Variants in STK32B observed in about 807,000 individuals in gnomAD.
The protein encoded by STK32B is serine/threonine-protein kinase 32B.
A neutral mutation model predicts 52.6 loss-of-function variants in STK32B; 43 were observed. The observed-to-expected ratio is 0.82, with a 90% CI of 0.64 to 1.05. The LOEUF (loss-of-function observed/expected upper bound fraction) is 1.05, where lower values mean the gene tolerates loss of function less well. Ranked by LOEUF, STK32B falls within the 50% of genes least tolerant of loss-of-function variation. The pLI is 0.00. For synonymous variants in STK32B, 238 were observed against 204.3 expected, an observed-to-expected ratio of 1.17 and a Z score of -1.41; for missense variants, 621 against 534.6, an observed-to-expected ratio of 1.16 and a Z score of -1.59.
chr4:5,080,967 A>G (rs552720032), intron 1 of STK32B, among the ~76,000 whole-genome samples: 2 of 151,954 alleles, frequency 1.3e-5, no homozygotes, highest in East Asian at 1.9e-4. Flanking sequence ...CCAGCCCCCA[A>G]CCCGTCTTGA....
intron 4 of STK32B, among the ~76,000 whole-genome samples, chr4:5,340,475 G>A (rs79244930): frequency 6.6e-6 from 1 of 152,202 alleles, no homozygotes; most frequent in African/African-American, 2.4e-5. Context: ...TATTGCAAGG[G>A]TCAAGGGTGG....
At chr4:5,174,824 G>A (rs145008273) in intron 3 of STK32B, among the ~76,000 whole-genome samples, 1,777 of 152,176 alleles carry the variant, frequency 0.012, 34 homozygotes, top group African/African-American at 0.04. Flanking sequence ...CATTCTCTGT[G>A]TTTCCTGAAT....
intron 1 of STK32B, among the ~76,000 whole-genome samples, chr4:5,053,994 A>AATAAATAAATAAATAAATAAAT (rs148849409): frequency 0.22 from 32,586 of 147,278 alleles, 3,736 homozygotes; most frequent in East Asian, 0.41. Flanking sequence ...TAAATAAATA[A>AATAAATAAATAAATAAATAAAT]ATAAATAAAT....
chr4:5,159,353 G>A (rs1718134023), intron 2 of STK32B, among the ~76,000 whole-genome samples: 2 of 151,648 alleles, frequency 1.3e-5, no homozygotes, highest in Admixed American at 6.6e-5. Context: ...TAGGCTGGTA[G>A]GAAGTTGAAC....
chr4:5,071,621 C>T (rs533617754), intron 1 of STK32B, among the ~76,000 whole-genome samples: 1 of 152,324 alleles, frequency 6.6e-6, no homozygotes, highest in South Asian at 2.1e-4. Flanking sequence ...TAACCCTTCT[C>T]TCCAGAGTAT....
At chr4:5,277,502 G>A (rs1727903224) in intron 3 of STK32B, among the ~76,000 whole-genome samples, 1 of 152,108 alleles carries the variant, frequency 6.6e-6, no homozygotes, top group African/African-American at 2.4e-5. Flanking sequence ...AAGTTGAAGT[G>A]TCTGATTCTT....
At position 5,500,836 on chromosome 4, in the gene STK32B, CTG is replaced by C; in HGVS notation, c.*1756_*1757del. ...AATAAGGGGCCTGCTCCTCTCCCTA[CTG>C]TGACCCTGGAGGCTCTTAAGATGAT... is the stretch of plus-strand genomic sequence containing the variant. On this transcript the variant is annotated 3_prime_UTR_variant, in exon 12 of 12. Transcript: ENST00000282908. 6.6e-6 allele frequency: 1 copy of C among 152,326 alleles called. No individual in the cohort carries two copies. The highest frequency in any genetic ancestry group is 3.4e-3 in the Middle Eastern group (1 of 294). 9.4% of individuals were successfully genotyped at this position (152,326 alleles called of 1,614,324 possible).
At chr4:5,074,050 TTC>T (rs529896492) in intron 1 of STK32B, among the ~76,000 whole-genome samples, 2 of 152,076 alleles carry the variant, frequency 1.3e-5, no homozygotes, top group South Asian at 4.2e-4. Context: ...TTCTACCACA[TTC>T]TCTCTCTCCT....
At chr4:5,125,848 C>T (rs976867918) in intron 1 of STK32B, among the ~76,000 whole-genome samples, 1 of 152,232 alleles carries the variant, frequency 6.6e-6, no homozygotes, top group Non-Finnish European at 1.5e-5. Context: ...GGACCTCCCT[C>T]TCCCACAGAC....
the STK32B span, among the ~76,000 whole-genome samples, chr4:5,039,104 A>T: frequency 1.3e-5 from 2 of 150,116 alleles, no homozygotes; most frequent in African/African-American, 2.5e-5. Context: ...TTCCCACTTC[A>T]GCCTTCTGAA....
At chr4:5,393,613 G>C (rs187453907) in intron 4 of STK32B, among the ~76,000 whole-genome samples, 5 of 152,110 alleles carry the variant, frequency 3.3e-5, no homozygotes, top group South Asian at 4.2e-4. Flanking sequence ...GAGAGACAGT[G>C]GGGGAGGTGC....
Position 5,396,391 on chromosome 4 carries a change from T to C in STK32B, c.435-1816T>C, listed in dbSNP as rs143572059. ...AGACATGAGTCTTTAGAGTCCTCCC[T>C]AAATCCAGGATGATTCATCTTGAGA... On this transcript the variant is annotated intron_variant, in intron 4 of 11. Transcript: ENST00000282908. The surrounding 1 kb of genome is among the most constrained non-coding windows in gnomAD (Gnocchi z 4.7). Among the ~76,000 whole-genome samples the C allele has an allele frequency of 2.2e-3, 340 of 152,288 alleles. 2 individuals are homozygous for C. The highest frequency in any genetic ancestry group is 7.7e-3 in the African/African-American group (322 of 41,560).
At chr4:5,334,753 G>C (rs1031082436) in intron 4 of STK32B, among the ~76,000 whole-genome samples, 15 of 151,518 alleles carry the variant, frequency 9.9e-5, no homozygotes, top group African/African-American at 2.0e-4. Context: ...TTTTGTCTTT[G>C]GTTCTGTTTA....
chr4:5,110,680 C>T (rs928471941), intron 1 of STK32B, among the ~76,000 whole-genome samples: 1 of 152,092 alleles, frequency 6.6e-6, no homozygotes, highest in Admixed American at 6.6e-5. Flanking sequence ...TAGGGAAATG[C>T]TCTTCTGGAC....
Position 5,499,009 on chromosome 4 carries a change from G to A in STK32B, c.1171G>A (p.Ala391Thr), listed in dbSNP as rs1229495142. 2 of 1,613,646 alleles carry A rather than the reference G, an allele frequency of 1.2e-6. No individual in the cohort carries two copies. The highest frequency in any genetic ancestry group is 2.7e-5 in the African/African-American group (2 of 74,882). ...LDTDSRGGGQ[A>T]QSKLQDGCNN... ...CACCGACAGCCGAGGGGGAGGCCAG[G>A]CCCAAAGCAAGCTCCAGGACGGGTG... Residue 391 changes from alanine (A) to threonine (T), a missense_variant, in exon 12 of 12, where the codon GCC (alanine) becomes ACC (threonine). Ala to Thr is a moderately conservative substitution (Grantham distance 58). Transcript: ENST00000282908.
At chr4:5,185,707 C>A (rs1720689063) in intron 3 of STK32B, among the ~76,000 whole-genome samples, 3 of 152,202 alleles carry the variant, frequency 2.0e-5, no homozygotes, top group South Asian at 4.1e-4. Flanking sequence ...CAATGCCCAG[C>A]CAGTTACCCA....
chr4:5,181,648 T>A (rs548749096), intron 3 of STK32B, among the ~76,000 whole-genome samples: 24 of 152,354 alleles, frequency 1.6e-4, no homozygotes, highest in Admixed American at 1.5e-3. Flanking sequence ...ATATAAAAGT[T>A]GTTTACGCCA....
intron 3 of STK32B, among the ~76,000 whole-genome samples, chr4:5,189,950 G>A (rs975820430): frequency 1.3e-5 from 2 of 152,116 alleles, no homozygotes; most frequent in Admixed American, 6.6e-5. Flanking sequence ...CTGGCATCTA[G>A]TAGTTGCTCA....
At chr4:5,191,063 T>C (rs991085023) in intron 3 of STK32B, among the ~76,000 whole-genome samples, 1 of 152,160 alleles carries the variant, frequency 6.6e-6, no homozygotes, top group African/African-American at 2.4e-5. Flanking sequence ...TGGCATCTTA[T>C]CTGCTAACTC....
Sources: gnomAD v4.1 joint callset for allele counts (sites outside exome capture counted in the v4.1 genomes callset) on GRCh38, gnomAD v4.1.1 for gene constraint, Gnocchi (gnomAD v3.1) non-coding constraint, MANE v1.5 for transcripts, NCBI Gene and HGNC (gene_info 2026-07-23, HGNC 2026-07-21) for gene names.